The following DPP6 variants were observed in gnomAD, a reference collection of about 807,000 sequenced individuals.
The protein encoded by DPP6 is A-type potassium channel modulatory protein DPP6.
In DPP6, 69 loss-of-function variants were observed where a neutral mutation model predicts 122.6. The observed-to-expected ratio is 0.56, with a 90% CI of 0.46 to 0.69. DPP6 has a LOEUF of 0.69. DPP6 is among the 30% of genes least tolerant of loss of function. The pLI, the probability that DPP6 is intolerant of heterozygous loss-of-function variation, is 0.00. For missense variants in DPP6, 928 were observed against 1,116.9 expected (o/e 0.83, Z 2.41); for synonymous variants, 418 against 433.1 (o/e 0.97, Z 0.43).
intron 1 of DPP6, among the ~76,000 whole-genome samples, chr7:154,412,814 A>G (rs947052536): frequency 4.5e-4 from 69 of 152,182 alleles, no homozygotes; most frequent in African/African-American, 1.6e-3. Context: ...CAGGGCACAC[A>G]CTGTGGCAGG....
chr7:154,364,919 TTGAA>T (rs1443578296), intron 1 of DPP6, among the ~76,000 whole-genome samples: 1 of 152,168 alleles, frequency 6.6e-6, no homozygotes, highest in Non-Finnish European at 1.5e-5. Flanking sequence ...ACATTCATTA[TTGAA>T]TGAAGTCATA....
intron 4 of DPP6, among the ~76,000 whole-genome samples, chr7:154,561,393 C>A (rs1185833551): frequency 6.6e-6 from 1 of 152,032 alleles, no homozygotes; most frequent in Non-Finnish European, 1.5e-5. Flanking sequence ...GGAAATTATA[C>A]AAAGTATGTT....
the DPP6 span, among the ~76,000 whole-genome samples, chr7:153,759,046 A>T: frequency 6.6e-6 from 1 of 151,418 alleles, no homozygotes; most frequent in East Asian, 1.9e-4. Context: ...ACTCAAGATA[A>T]TCAGTCTTCA....
At chr7:154,345,925 C>G (rs1810358655) in intron 1 of DPP6, among the ~76,000 whole-genome samples, 1 of 152,202 alleles carries the variant, frequency 6.6e-6, no homozygotes, top group Non-Finnish European at 1.5e-5. Context: ...CTTCTAAATG[C>G]CACCAGAAAA....
intron 16 of DPP6, among the ~76,000 whole-genome samples, chr7:154,845,834 G>A (rs549479264): frequency 6.6e-6 from 1 of 152,244 alleles, no homozygotes; most frequent in Non-Finnish European, 1.5e-5. Context: ...GACTTTCAGT[G>A]TAGACCGTAT....
chr7:154,764,306 G>A (rs1795764322), intron 8 of DPP6, among the ~76,000 whole-genome samples: 1 of 152,132 alleles, frequency 6.6e-6, no homozygotes, highest in South Asian at 2.1e-4. Flanking sequence ...CCTTATTCTT[G>A]ACCTGTTAGG....
chr7:154,726,669 T>A (rs999152310), intron 7 of DPP6, among the ~76,000 whole-genome samples: 1 of 152,214 alleles, frequency 6.6e-6, no homozygotes, highest in African/African-American at 2.4e-5. Flanking sequence ...GTCTTGGTGA[T>A]TAATATTTGG....
chr7:153,848,099 G>C, the DPP6 span, among the ~76,000 whole-genome samples: 1 of 152,118 alleles, frequency 6.6e-6, no homozygotes, highest in East Asian at 1.9e-4. Flanking sequence ...TAGGGGACCG[G>C]GCCACTCAGA....
chr7:154,738,348 G>A (rs764943791), intron 8 of DPP6, among the ~76,000 whole-genome samples: 13 of 152,164 alleles, frequency 8.5e-5, no homozygotes, highest in Non-Finnish European at 1.6e-4. Flanking sequence ...CCTCTTCGTG[G>A]CTCCTTGTTT....
intron 16 of DPP6, among the ~76,000 whole-genome samples, chr7:154,841,761 C>T (rs1284169392): frequency 2.0e-5 from 3 of 151,802 alleles, no homozygotes; most frequent in Admixed American, 6.6e-5. Context: ...ATTTCCACGG[C>T]CCCCCTCGAG....
chr7:154,610,495 T>C (rs1833839096), intron 5 of DPP6, among the ~76,000 whole-genome samples: 1 of 152,176 alleles, frequency 6.6e-6, no homozygotes, highest in Admixed American at 6.5e-5. Context: ...AGGTACCAAG[T>C]TGTGACAATG....
In DPP6 at chr7:154,052,916, G is replaced by C. The variant is rs1020125305; in HGVS notation, c.96G>C (p.Gly32=). ...PEASHLLGGQ[G]PEEDGGAGAK... is the part of the protein sequence containing the mutation. ...CGAGTCACCTCCTGGGCGGCCAGGG[G>C]CCCGAGGAGGACGGCGGCGCAGGAG... Residue 32 remains glycine (G), a synonymous_variant, in exon 1 of 26, where the codon GGG becomes GGC. Coordinates refer to ENST00000377770, the MANE Select transcript of DPP6 (RefSeq NM_130797.4). This position sits in a 1 kb window ranked among gnomAD's most constrained non-coding sequence, Gnocchi z 4.8. 2.7e-6 allele frequency: 4 copies of C among 1,502,448 alleles called. No homozygotes were observed. In the African/African-American group the frequency reaches 4.3e-5, roughly 16 times the overall value. 93.1% of individuals were successfully genotyped at this position (1,502,448 alleles called of 1,614,324 possible).
intron 5 of DPP6, among the ~76,000 whole-genome samples, chr7:154,634,629 C>T (rs1835619265): frequency 6.8e-6 from 1 of 148,058 alleles, no homozygotes; most frequent in African/African-American, 2.4e-5. Flanking sequence ...CTCTCCTCCT[C>T]CTCCTCCTCT....
At chr7:153,943,817 G>A (rs1354588718) in intron 1 of DPP6, among the ~76,000 whole-genome samples, 1 of 152,012 alleles carries the variant, frequency 6.6e-6, no homozygotes, top group African/African-American at 2.4e-5. Flanking sequence ...AATAGAGAAT[G>A]TAGGTTTAAT....
intron 1 of DPP6, among the ~76,000 whole-genome samples, chr7:154,061,539 C>T (rs1298249138): frequency 3.4e-5 from 5 of 146,882 alleles, no homozygotes; most frequent in African/African-American, 1.0e-4. Context: ...TGGGCAAAAC[C>T]TGAACATAAA....
intron 4 of DPP6, among the ~76,000 whole-genome samples, chr7:154,550,554 G>A (rs78447706): frequency 0.017 from 2,573 of 152,152 alleles, 72 homozygotes; most frequent in African/African-American, 0.057. Context: ...AAACCAGCTT[G>A]TTTATTAAGG....
chr7:154,483,426 T>G lies in DPP6; in HGVS notation c.457+8389T>G, dbSNP rs1823504076. Among the ~76,000 whole-genome samples, 1 of 151,566 alleles carries G rather than the reference T, an allele frequency of 6.6e-6. No individual in the cohort carries two copies. Among genetic ancestry groups the G allele is most frequent in the African/African-American group, 2.4e-5 (1 of 41,136 alleles). On this transcript the variant is annotated intron_variant, in intron 3 of 25. Coordinates refer to ENST00000377770, the MANE Select transcript of DPP6 (RefSeq NM_130797.4). This position sits in a 1 kb window ranked among gnomAD's most constrained non-coding sequence, Gnocchi z 8.1. ...TAAAAGCATTTATTTGAGCAAACAG[T>G]GATTCATGAATTGGGCAGCTCCAAA...
At chr7:154,445,787 A>G (rs1013231381) in intron 1 of DPP6, among the ~76,000 whole-genome samples, 1 of 152,226 alleles carries the variant, frequency 6.6e-6, no homozygotes, top group Non-Finnish European at 1.5e-5. Context: ...TAAAAAAAAA[A>G]AAAGGGAATG....
intron 15 of DPP6, among the ~76,000 whole-genome samples, chr7:154,805,710 T>C (rs751698143): frequency 4.6e-5 from 7 of 152,194 alleles, no homozygotes; most frequent in Non-Finnish European, 7.3e-5. Flanking sequence ...GTCCCTCTTC[T>C]ACATTTAGTC....
Sources: gnomAD v4.1 joint callset for allele counts (sites outside exome capture counted in the v4.1 genomes callset) on GRCh38, gnomAD v4.1.1 for gene constraint, Gnocchi (gnomAD v3.1) non-coding constraint, MANE v1.5 for transcripts, NCBI Gene and HGNC (gene_info 2026-07-23, HGNC 2026-07-21) for gene names.